Variants in SLC12A7 observed in about 807,000 individuals in gnomAD.
The protein encoded by SLC12A7 is solute carrier family 12 member 7.
Under a neutral mutation model 120.6 loss-of-function variants are expected in SLC12A7, and 100 were observed. That is an observed-to-expected ratio of 0.83 (90% CI 0.71 to 0.98). The LOEUF is 0.98. Among genes scored for constraint, SLC12A7 ranks in the 50% least tolerant of loss-of-function variants. The probability of loss-of-function intolerance (pLI) is 0.00; values close to 1 mark genes in which losing one functional copy is unlikely to be tolerated. For synonymous variants in SLC12A7, 760 were observed against 678.0 expected (o/e 1.12, Z -1.88); for missense variants, 1,373 against 1,548.1 (o/e 0.89, Z 1.90).
chr5:1,119,796 C>CAATGG, the SLC12A7 span, among the ~76,000 whole-genome samples: 4 of 152,282 alleles, frequency 2.6e-5, no homozygotes, highest in African/African-American at 9.6e-5. Flanking sequence ...AAATGGGGTC[C>CAATGG]ACCGGCGCTG....
Position 1,075,411 on chromosome 5 carries a change from G to C in SLC12A7, c.1927C>G (p.Leu643Val), listed in dbSNP as rs767886283. The C allele has an allele frequency of 7.4e-6, 12 of 1,612,370 alleles. No homozygotes were observed. The highest frequency in any genetic ancestry group is 9.3e-6 in the Non-Finnish European group (11 of 1,179,602). ...CSWYYALSAM[L>V]IAGCIYKYIE... ...TACTTGTAGATGCAGCCAGCGATGA[G>C]CATGGCGGACAGCGCGTAGTACCAG... is the stretch of plus-strand genomic sequence containing the variant. Residue 643 changes from leucine (L) to valine (V), a missense_variant, in exon 15 of 24, where the codon CTC (leucine) becomes GTC (valine). Coordinates refer to ENST00000264930, the MANE Select transcript of SLC12A7 (RefSeq NM_006598.3).
At position 1,090,088 on chromosome 5, in the gene SLC12A7, G is replaced by C; in HGVS notation, c.343-960C>G. Among the ~76,000 whole-genome samples the C allele has an allele frequency of 1.3e-5, 2 of 152,272 alleles. 1 individual carries two copies. Among genetic ancestry groups the C allele is most frequent in the East Asian group, 3.8e-4 (2 of 5,196 alleles). ...TGGATCAGAACAGGCCCCGTGCGGG[G>C]CTTCGATCCTGGGGTTCACACAGCC... On this transcript the variant is annotated intron_variant, in intron 3 of 23. Transcript: ENST00000264930.
the SLC12A7 span, among the ~76,000 whole-genome samples, chr5:1,122,580 G>A: frequency 7.9e-5 from 12 of 152,272 alleles, no homozygotes; most frequent in South Asian, 8.3e-4. Flanking sequence ...CTTCACCACC[G>A]GTCTCCAGAG....
intron 21 of SLC12A7, among the ~76,000 whole-genome samples, chr5:1,058,142 C>T (rs1338872366): frequency 2.6e-5 from 4 of 152,206 alleles, no homozygotes; most frequent in Non-Finnish European, 2.9e-5. Context: ...CTGGCAGGGG[C>T]CCTGTGGGGC....
chr5:1,066,060 C>G (rs1315767530), intron 17 of SLC12A7, among the ~76,000 whole-genome samples: 1 of 152,070 alleles, frequency 6.6e-6, no homozygotes, highest in Non-Finnish European at 1.5e-5. Flanking sequence ...TTTGCACGTG[C>G]GTGGCCGAGG....
intron 11 of SLC12A7, chr5:1,078,440 C>G (rs1377208085): frequency 1.7e-6 from 1 of 586,214 alleles, no homozygotes; most frequent in African/African-American, 1.9e-5. Context: ...CCGTCCACAC[C>G]CCTGTGGCCT....
chr5:1,094,587 A>T (rs934762966), intron 1 of SLC12A7, among the ~76,000 whole-genome samples: 1 of 152,236 alleles, frequency 6.6e-6, no homozygotes, highest in African/African-American at 2.4e-5. Flanking sequence ...ATCATTGAAG[A>T]CAAAGCCCCT....
chr5:1,117,559 T>TC, the SLC12A7 span, among the ~76,000 whole-genome samples: 1 of 152,184 alleles, frequency 6.6e-6, no homozygotes, highest in Non-Finnish European at 1.5e-5. The surrounding 1 kb of genome is among the most constrained non-coding windows in gnomAD (Gnocchi z 4.5). Context: ...CCTAAACTGC[T>TC]CCTAAAATCC....
intron 3 of SLC12A7, 51 bp downstream of exon 3, chr5:1,093,482 G>C (rs1343418742): frequency 4.7e-5 from 28 of 590,362 alleles, no homozygotes; most frequent in Non-Finnish European, 7.6e-5. Flanking sequence ...ATCTAACCCT[G>C]CCGGGACACA....
chr5:1,154,103 G>T, the SLC12A7 span, among the ~76,000 whole-genome samples: 1 of 151,686 alleles, frequency 6.6e-6, no homozygotes, highest in African/African-American at 2.4e-5. Context: ...ATCTCCACAC[G>T]CATGTGTTCC....
intron 17 of SLC12A7, 151 bp downstream of exon 17, chr5:1,073,482 G>T (rs1349450963): frequency 1.3e-5 from 11 of 867,442 alleles, no homozygotes; most frequent in Non-Finnish European, 1.8e-5. Flanking sequence ...TTAGCGCGCT[G>T]CTCTGAGCTC....
chr5:1,121,395 G>C, the SLC12A7 span, among the ~76,000 whole-genome samples: 1 of 152,226 alleles, frequency 6.6e-6, no homozygotes, highest in Non-Finnish European at 1.5e-5. Context: ...ACTTGCTGGG[G>C]GGCAGGGCCG....
chr5:1,096,461 A>G (rs905390910), intron 1 of SLC12A7, among the ~76,000 whole-genome samples: 3 of 151,990 alleles, frequency 2.0e-5, no homozygotes, highest in African/African-American at 7.3e-5. Context: ...TTTCCCATCA[A>G]TTATAGGTGT....
chr5:1,147,470 C>T, the SLC12A7 span, among the ~76,000 whole-genome samples: 56 of 152,034 alleles, frequency 3.7e-4, no homozygotes, highest in African/African-American at 1.3e-3. Flanking sequence ...ATTTGAAGGC[C>T]CTGCCTGCCC....
At chr5:1,099,340 G>A (rs990132816) in intron 1 of SLC12A7, among the ~76,000 whole-genome samples, 13 of 152,108 alleles carry the variant, frequency 8.5e-5, no homozygotes, top group African/African-American at 3.1e-4. Flanking sequence ...CTCCTCTGGG[G>A]CACAGACATC....
At chr5:1,139,067 T>TGG in the SLC12A7 span, among the ~76,000 whole-genome samples, 154 of 150,726 alleles carry the variant, frequency 1.0e-3, no homozygotes, top group Admixed American at 3.4e-3. Context: ...AAGCTTGGGG[T>TGG]GGGGGGGGGG....
rs774224815 is a variant in SLC12A7, at chr5:1,085,433, G to C, written c.716C>G (p.Ala239Gly). 9 of 1,609,642 alleles carry C rather than the reference G, an allele frequency of 5.6e-6. No homozygotes were observed. The South Asian group carries it at 9.9e-5, about 18-fold the overall frequency. The stretch of plus-strand genomic sequence containing the variant: ...CATGGCGGCCGCCTCGCCACCTGCA[G>C]CCTCCGCCTGGAAGATGGCCGCACC... ...SPGAAIFQAE[A>G]AGGEAAAMLH... Residue 239 changes from alanine (A) to glycine (G), a missense_variant, in exon 7 of 24, where the codon GCT (alanine) becomes GGT (glycine). By Grantham distance (60) the Ala-to-Gly change is moderately conservative. Transcript: ENST00000264930.
At chr5:1,130,232 C>T in the SLC12A7 span, among the ~76,000 whole-genome samples, 1 of 152,202 alleles carries the variant, frequency 6.6e-6, no homozygotes, top group Non-Finnish European at 1.5e-5. Context: ...GCACCACTCG[C>T]TTCAGTCGTA....
the SLC12A7 span, among the ~76,000 whole-genome samples, chr5:1,148,849 C>G: frequency 2.0e-5 from 3 of 152,336 alleles, no homozygotes; most frequent in African/African-American, 7.2e-5. Flanking sequence ...TGGGATCTAT[C>G]TGCTTCCTTA....
Sources: gnomAD v4.1 joint callset for allele counts (sites outside exome capture counted in the v4.1 genomes callset) on GRCh38, gnomAD v4.1.1 for gene constraint, Gnocchi (gnomAD v3.1) non-coding constraint, MANE v1.5 for transcripts, NCBI Gene and HGNC (gene_info 2026-07-23, HGNC 2026-07-21) for gene names.